The following MYO6 variants were observed in gnomAD, a reference collection of about 807,000 sequenced individuals.
The protein encoded by MYO6 is myosin VI, also known as unconventional myosin-VI.
A neutral mutation model predicts 178.7 loss-of-function variants in MYO6; 74 were observed. The ratio of observed to expected loss-of-function variants is 0.41; its 90% CI spans 0.34 to 0.50. The LOEUF (loss-of-function observed/expected upper bound fraction) is 0.50, where lower values mean the gene tolerates loss of function less well. Ranked by LOEUF, MYO6 falls within the 20% of genes least tolerant of loss-of-function variation. The probability of loss-of-function intolerance (pLI) is 0.09; values close to 1 mark genes in which losing one functional copy is unlikely to be tolerated. For synonymous variants in MYO6, 477 were observed against 504.6 expected, an observed-to-expected ratio of 0.95 and a Z score of 0.73; for missense variants, 1,330 against 1,547.4, an observed-to-expected ratio of 0.86 and a Z score of 2.36.
In MYO6 at chr6:75,751,644, GA is replaced by G. The variant is rs565946288; in HGVS notation, c.-48+2222del. Reference sequence around the variant, plus strand: ...AAATAACAGTGGCCAGGAAATCTGAGAGAGGCTGAAGGCTCTGTTCTCATCC... The same window carrying G: ...AAATAACAGTGGCCAGGAAATCTGAGGAGGCTGAAGGCTCTGTTCTCATCC... On this transcript the variant is annotated intron_variant, in intron 1 of 34. Coordinates refer to ENST00000369977, the MANE Select transcript of MYO6 (RefSeq NM_004999.4). Among the ~76,000 whole-genome samples, 290 of 152,242 alleles carry G rather than the reference GA, an allele frequency of 1.9e-3. 1 individual carries two copies. The highest frequency in any genetic ancestry group is 6.6e-3 in the African/African-American group (275 of 41,528).
intron 1 of MYO6, among the ~76,000 whole-genome samples, chr6:75,771,003 T>C (rs1342975838): frequency 7.0e-6 from 1 of 142,802 alleles, no homozygotes; most frequent in African/African-American, 2.6e-5. Context: ...TTTTTTTTTC[T>C]TTTTTTTTTT....
At position 75,844,955 on chromosome 6, in the gene MYO6, T is replaced by C. The variant is rs144038082; in HGVS notation, c.875T>C (p.Leu292Ser). The C allele has an allele frequency of 5.2e-4, 842 of 1,613,330 alleles. 2 individuals are homozygous for C. The highest frequency in any genetic ancestry group is 1.9e-3 in the Admixed American group (116 of 60,008). The part of the protein sequence containing the change: ...FANKETDKQI[L>S]QNRKSPEYLK... The stretch of plus-strand genomic sequence containing the variant: ...AACAAAGAAACTGACAAACAGATTT[T>C]ACAGAACCGCAAAAGTCCTGAGGTA... Residue 292 changes from leucine (L) to serine (S), a missense_variant, in exon 10 of 35, where the codon TTA (leucine) becomes TCA (serine). By Grantham distance (145) the Leu-to-Ser change is moderately radical. Transcript: ENST00000369977.
intron 20 of MYO6, among the ~76,000 whole-genome samples, chr6:75,874,653 T>C (rs1184146162): frequency 6.6e-6 from 1 of 152,232 alleles, no homozygotes; most frequent in East Asian, 1.9e-4. Context: ...GCATTGTTTA[T>C]GTTTGTCATA....
At position 75,862,531 on chromosome 6, in the gene MYO6, T is replaced by G; in HGVS notation, c.1547-65T>G. 4 of 1,401,572 alleles carry G rather than the reference T, an allele frequency of 2.9e-6. No individual in the cohort carries two copies. The South Asian group carries it at 4.8e-5, about 17-fold the overall frequency. 86.8% of individuals were successfully genotyped at this position (1,401,572 alleles called of 1,614,324 possible). On this transcript the variant is annotated intron_variant, in intron 15 of 34. Transcript: ENST00000369977. ...TCCTTGAAATCTGTGATTAGTGAAT[T>G]GTTCACATATCTTTAAAATGTTATG...
intron 12 of MYO6, among the ~76,000 whole-genome samples, chr6:75,855,548 C>T (rs931832873): frequency 6.6e-6 from 1 of 152,068 alleles, no homozygotes; most frequent in Admixed American, 6.5e-5. Context: ...CAATATATGA[C>T]AGTTTTAGGC....
intron 6 of MYO6, among the ~76,000 whole-genome samples, chr6:75,833,398 C>A (rs984800003): frequency 2.0e-5 from 3 of 152,184 alleles, no homozygotes; most frequent in Non-Finnish European, 2.9e-5. Flanking sequence ...GTTGTGCAGC[C>A]AATCTGTACC....
chr6:75,790,900 A>G (rs769956053), intron 1 of MYO6, among the ~76,000 whole-genome samples: 1 of 151,934 alleles, frequency 6.6e-6, no homozygotes, highest in Non-Finnish European at 1.5e-5. Context: ...TAATTGTGAG[A>G]TTTATTTTTT....
intron 12 of MYO6, among the ~76,000 whole-genome samples, chr6:75,855,581 G>A (rs1004724925): frequency 6.6e-6 from 1 of 152,116 alleles, no homozygotes; most frequent in Non-Finnish European, 1.5e-5. Context: ...TACTTTAAAA[G>A]TAATTTTTTT....
intron 1 of MYO6, among the ~76,000 whole-genome samples, chr6:75,753,430 A>G (rs1448745409): frequency 6.8e-6 from 1 of 147,132 alleles, no homozygotes; most frequent in African/African-American, 2.6e-5. Flanking sequence ...GCATGTATCT[A>G]TGATCTATAT....
At chr6:75,844,252 C>A (rs530180917) in intron 9 of MYO6, among the ~76,000 whole-genome samples, 29 of 152,174 alleles carry the variant, frequency 1.9e-4, no homozygotes, top group African/African-American at 6.0e-4. Context: ...TTGAACTACT[C>A]CTCTTGTTCT....
At chr6:75,844,327 A>G (rs773055411) in intron 9 of MYO6, among the ~76,000 whole-genome samples, 15 of 152,142 alleles carry the variant, frequency 9.9e-5, no homozygotes, top group East Asian at 1.9e-4. Flanking sequence ...GAAATAAGAA[A>G]ACTTTAAATT....
Position 75,753,455 on chromosome 6 carries a change from G to A in MYO6, c.-48+4032G>A, listed in dbSNP as rs953137972. 6.4e-4 allele frequency among the ~76,000 whole-genome samples: 90 copies of A among 140,048 alleles called. 1 individual carries two copies. The South Asian group carries it at 0.012, about 19-fold the overall frequency. The allele number at this position is 140,048 out of a possible 152,430, so 91.9% of individuals were successfully genotyped here. A position where few individuals can be genotyped will look rare whatever the true frequency, so the allele number is the denominator to read the frequency against. On this transcript the variant is annotated intron_variant, in intron 1 of 34. Transcript: ENST00000369977. ...ATGATCTATATATGTGTGTGTGTGT[G>A]TATATATATATATATATATATATAT...
chr6:75,856,650 C>T lies in MYO6; in HGVS notation c.1224-447C>T, dbSNP rs117001440. Reference sequence around the variant, plus strand: ...ACCTGCAACATTTAATACTATTATACCATATAGTCAGTTATATTAAATAGT... The same window carrying T: ...ACCTGCAACATTTAATACTATTATATCATATAGTCAGTTATATTAAATAGT... On this transcript the variant is annotated intron_variant, in intron 12 of 34. Transcript: ENST00000369977. Among the ~76,000 whole-genome samples the T allele has an allele frequency of 2.1e-3, 326 of 152,034 alleles. 1 individual carries two copies. The highest frequency in any genetic ancestry group is 2.2e-3 in the Non-Finnish European group (147 of 67,988).
At chr6:75,857,058 A>G (rs1583286909) in intron 12 of MYO6, 39 bp from the exon 13 acceptor site, 2 of 1,604,414 alleles carry the variant, frequency 1.2e-6, no homozygotes, top group Non-Finnish European at 8.5e-7. Context: ...ACAGTGCACT[A>G]TTATAAAGAA....
intron 1 of MYO6, among the ~76,000 whole-genome samples, chr6:75,764,407 TTCTTACCCA>T (rs1778221112): frequency 6.6e-6 from 1 of 152,190 alleles, no homozygotes; most frequent in South Asian, 2.1e-4. Context: ...TCTTTAGTCA[TTCTTACCCA>T]TCTTTCACTA....
At chr6:75,785,151 A>G (rs886866491) in intron 1 of MYO6, among the ~76,000 whole-genome samples, 1 of 152,170 alleles carries the variant, frequency 6.6e-6, no homozygotes, top group Admixed American at 6.6e-5. Flanking sequence ...AGAGGGATGT[A>G]TATTAATTGC....
chr6:75,861,244 A>G, intron 15 of MYO6, 149 bp downstream of exon 15: 1 of 687,206 alleles, frequency 1.5e-6, no homozygotes. Flanking sequence ...TACTGCCTGG[A>G]AGTTATTTTT....
intron 16 of MYO6, 72 bp downstream of exon 16, chr6:75,862,795 G>A: frequency 6.6e-7 from 1 of 1,507,234 alleles, no homozygotes; most frequent in Non-Finnish European, 9.2e-7. Flanking sequence ...TTAGCTATTA[G>A]ATATTACTAG....
intron 10 of MYO6, among the ~76,000 whole-genome samples, chr6:75,845,589 G>A (rs919032605): frequency 6.6e-6 from 1 of 152,034 alleles, no homozygotes; most frequent in Non-Finnish European, 1.5e-5. Context: ...AGCTACTTGG[G>A]AGGCTAAAGT....
Sources: allele counts gnomAD v4.1 joint callset (sites outside exome capture counted in the v4.1 genomes callset), GRCh38; gene constraint gnomAD v4.1.1; transcripts MANE v1.5; gene names NCBI Gene and HGNC (gene_info 2026-07-23, HGNC 2026-07-21).